ADGRL3: variants seen among roughly 807,000 people sequenced by gnomAD.
The protein encoded by ADGRL3 is adhesion G protein-coupled receptor L3.
Under a neutral mutation model 153.5 loss-of-function variants are expected in ADGRL3, and 62 were observed. The observed-to-expected ratio is 0.40, with a 90% confidence interval of 0.33 to 0.50. The LOEUF (loss-of-function observed/expected upper bound fraction) is 0.50. ADGRL3 is among the 20% of genes least tolerant of loss of function. ADGRL3 has a pLI of 0.47. For missense variants in ADGRL3, 1,641 were observed against 1,859.4 expected (o/e 0.88, Z 2.16); for synonymous variants, 710 against 672.5 (o/e 1.06, Z -0.86).
At chr4:62,006,305 G>C (rs964305318) in intron 21 of ADGRL3, among the ~76,000 whole-genome samples, 2 of 151,830 alleles carry the variant, frequency 1.3e-5, no homozygotes, top group Non-Finnish European at 2.9e-5. Context: ...CAAAGTGCCT[G>C]AGCCGCGGAG....
intron 4 of ADGRL3, among the ~76,000 whole-genome samples, chr4:61,575,385 C>T (rs1209712102): frequency 6.6e-6 from 1 of 151,966 alleles, no homozygotes; most frequent in Non-Finnish European, 1.5e-5. Flanking sequence ...GATACCCCCA[C>T]TTTCTTGGGA....
At chr4:61,525,688 A>T (rs1156668948) in intron 4 of ADGRL3, among the ~76,000 whole-genome samples, 1 of 152,104 alleles carries the variant, frequency 6.6e-6, no homozygotes, top group East Asian at 1.9e-4. Context: ...AAGAGGAATG[A>T]TGTGAGAGAT....
At chr4:61,770,392 A>G (rs1460831757) in intron 8 of ADGRL3, among the ~76,000 whole-genome samples, 30 of 152,186 alleles carry the variant, frequency 2.0e-4, no homozygotes. Context: ...TAGCAAAAAG[A>G]TCACCCGCAG....
At chr4:61,463,944 G>T (rs1350492091) in intron 2 of ADGRL3, among the ~76,000 whole-genome samples, 1 of 152,132 alleles carries the variant, frequency 6.6e-6, no homozygotes, top group Non-Finnish European at 1.5e-5. Flanking sequence ...GTTCAGTAGG[G>T]TTCAGATTTC....
intron 17 of ADGRL3, among the ~76,000 whole-genome samples, chr4:61,949,624 G>A (rs1444044471): frequency 2.0e-5 from 3 of 151,952 alleles, no homozygotes; most frequent in Non-Finnish European, 4.4e-5. Context: ...GAACCAGGGA[G>A]GCAGAGGTTG....
At chr4:61,850,602 A>G (rs1316878304) in intron 9 of ADGRL3, among the ~76,000 whole-genome samples, 1 of 152,206 alleles carries the variant, frequency 6.6e-6, no homozygotes, top group Non-Finnish European at 1.5e-5. Context: ...TTTATGACAT[A>G]TAAAACGACA....
chr4:61,501,911 G>A (rs2098390782), intron 3 of ADGRL3, among the ~76,000 whole-genome samples: 1 of 152,088 alleles, frequency 6.6e-6, no homozygotes, highest in African/African-American at 2.4e-5. Context: ...GTGTACTTCT[G>A]TATTTCTCTT....
intron 8 of ADGRL3, among the ~76,000 whole-genome samples, chr4:61,779,165 A>G (rs1171491267): frequency 1.3e-5 from 2 of 152,156 alleles, no homozygotes; most frequent in Admixed American, 6.6e-5. Context: ...GTGAGTTTAA[A>G]TTATTTGGTA....
chr4:61,413,711 C>A (rs1707958226), intron 2 of ADGRL3, among the ~76,000 whole-genome samples: 1 of 152,038 alleles, frequency 6.6e-6, no homozygotes, highest in African/African-American at 2.4e-5. Flanking sequence ...TCCATGTTGC[C>A]AGATTTTTCT....
intron 1 of ADGRL3, among the ~76,000 whole-genome samples, chr4:61,213,356 C>T (rs1452829930): frequency 2.0e-5 from 3 of 152,056 alleles, no homozygotes; most frequent in African/African-American, 4.8e-5. Context: ...ATCATTTGTG[C>T]GTGCTTTTTC....
intron 5 of ADGRL3, among the ~76,000 whole-genome samples, chr4:61,645,565 G>A (rs1237330199): frequency 6.6e-6 from 1 of 152,070 alleles, no homozygotes; most frequent in Non-Finnish European, 1.5e-5. Flanking sequence ...GGCTGGATAT[G>A]AAATTCTGGG....
At chr4:61,975,189 A>C (rs2099043699) in intron 17 of ADGRL3, among the ~76,000 whole-genome samples, 2 of 152,206 alleles carry the variant, frequency 1.3e-5, no homozygotes, top group Admixed American at 1.3e-4. Flanking sequence ...AGGGGAAAAT[A>C]ATGCAAGGAA....
At chr4:61,840,256 T>A (rs1347434624) in intron 9 of ADGRL3, among the ~76,000 whole-genome samples, 1 of 152,102 alleles carries the variant, frequency 6.6e-6, no homozygotes, top group Non-Finnish European at 1.5e-5. Flanking sequence ...ATTTTTGTAT[T>A]TTTTGTGGAG....
intron 1 of ADGRL3, among the ~76,000 whole-genome samples, chr4:61,260,453 C>CA (rs1405311445): frequency 6.6e-6 from 1 of 152,132 alleles, no homozygotes; most frequent in East Asian, 1.9e-4. Context: ...ATGGTAAGAA[C>CA]AAAGGCTTTG....
chr4:62,031,060 G>A, intron 22 of ADGRL3, among the ~76,000 whole-genome samples: 1 of 151,468 alleles, frequency 6.6e-6, no homozygotes, highest in East Asian at 1.9e-4. Flanking sequence ...CTAATAGAGG[G>A]AAATCAATCA....
At chr4:61,784,336 G>A (rs1199302430) in intron 8 of ADGRL3, among the ~76,000 whole-genome samples, 1 of 152,052 alleles carries the variant, frequency 6.6e-6, no homozygotes, top group Non-Finnish European at 1.5e-5. Context: ...ATTTCCTTGT[G>A]TATTATACAA....
In ADGRL3 at chr4:61,489,493, A is replaced by G. The variant is rs369082781; in HGVS notation, c.-173-7628A>G. Among the ~76,000 whole-genome samples, 4 of 152,152 alleles carry G rather than the reference A, an allele frequency of 2.6e-5. 1 individual carries two copies. Among genetic ancestry groups the G allele is most frequent in the African/African-American group, 9.6e-5 (4 of 41,536 alleles). On this transcript the variant is annotated intron_variant, in intron 2 of 26. Coordinates refer to ENST00000683033, the MANE Select transcript of ADGRL3 (RefSeq NM_001387552.1). ...GACTTGAATGTGTTATAAAATATAC[A>G]TCTATCCAGATAAGTCATTACTGCC...
At chr4:61,657,619 A>G (rs2094476967) in intron 5 of ADGRL3, among the ~76,000 whole-genome samples, 1 of 152,130 alleles carries the variant, frequency 6.6e-6, no homozygotes, top group African/African-American at 2.4e-5. Flanking sequence ...TTAACCAACT[A>G]CAGTTACCTG....
chr4:61,207,128 C>T (rs1737650663), intron 1 of ADGRL3, among the ~76,000 whole-genome samples: 1 of 151,942 alleles, frequency 6.6e-6, no homozygotes, highest in African/African-American at 2.4e-5. Context: ...TATACACGTG[C>T]CATGGTGGTT....
Sources: gnomAD v4.1 joint callset for allele counts (sites outside exome capture counted in the v4.1 genomes callset) on GRCh38, gnomAD v4.1.1 for gene constraint, MANE v1.5 for transcripts, NCBI Gene and HGNC (gene_info 2026-07-23, HGNC 2026-07-21) for gene names.